Variants in TMEM108 observed in about 807,000 individuals in gnomAD.
TMEM108 encodes transmembrane protein 108.
In TMEM108, 12 loss-of-function variants were observed where a neutral mutation model predicts 35.1. The observed-to-expected ratio is 0.34, with a 90% CI of 0.22 to 0.55. TMEM108 has a LOEUF of 0.55. Among genes scored for constraint, TMEM108 ranks in the 20% least tolerant of loss-of-function variants. The pLI is 0.89. For synonymous variants in TMEM108, 287 were observed against 308.6 expected (o/e 0.93, Z 0.73); for missense variants, 680 against 753.3 (o/e 0.90, Z 1.14).
Position 133,088,868 on chromosome 3 carries a change from T to C in TMEM108, c.-47+42848T>C, listed in dbSNP as rs150701087. Among the ~76,000 whole-genome samples, 233 of 152,312 alleles carry C rather than the reference T, an allele frequency of 1.5e-3. 3 individuals carry two copies. The East Asian group carries it at 0.032, about 21-fold the overall frequency. On this transcript the variant is annotated intron_variant, in intron 2 of 5. Transcript: ENST00000321871. The stretch of plus-strand genomic sequence containing the variant: ...CATGGAGACCTGGTGTGTTAGTCCA[T>C]TCTTGCATTGCTATCAGAAAATACA...
intron 2 of TMEM108, among the ~76,000 whole-genome samples, chr3:133,181,047 C>G (rs1043927401): frequency 3.2e-5 from 3 of 93,706 alleles, no homozygotes; most frequent in African/African-American, 1.0e-4. Flanking sequence ...AACAGCACTC[C>G]CAAAGCGCTT....
chr3:133,347,961 G>T (rs1274233157), intron 3 of TMEM108, among the ~76,000 whole-genome samples: 1 of 152,010 alleles, frequency 6.6e-6, no homozygotes, highest in Non-Finnish European at 1.5e-5. Context: ...TGCCAGGATT[G>T]CCCAAATTAG....
intron 3 of TMEM108, among the ~76,000 whole-genome samples, chr3:133,291,554 A>G (rs977560612): frequency 6.6e-6 from 1 of 151,920 alleles, no homozygotes; most frequent in Non-Finnish European, 1.5e-5. Context: ...CTGGGATTAC[A>G]GGCGTGAGCC....
intron 2 of TMEM108, among the ~76,000 whole-genome samples, chr3:133,060,155 A>G (rs1943519405): frequency 6.6e-6 from 1 of 152,212 alleles, no homozygotes; most frequent in South Asian, 2.1e-4. Flanking sequence ...TAGAACTTCC[A>G]TCAGGTGGAG....
At chr3:133,088,999 C>T (rs1273418846) in intron 2 of TMEM108, among the ~76,000 whole-genome samples, 5 of 152,276 alleles carry the variant, frequency 3.3e-5, no homozygotes, top group African/African-American at 1.2e-4. Flanking sequence ...AGGAAGCTTC[C>T]AATCATGGCA....
rs1173184949 is a variant in TMEM108 at position 133,267,640 on chromosome 3, A to G, written c.40+38289A>G. ...CAGGAGTGGCTTAACTGGAGATTCTAATGAAATGTCTCTCATATGATTATG... is the reference window on the plus strand; with the variant it reads ...CAGGAGTGGCTTAACTGGAGATTCTGATGAAATGTCTCTCATATGATTATG... On this transcript the variant is annotated intron_variant, in intron 3 of 5. Coordinates refer to ENST00000321871, the MANE Select transcript of TMEM108 (RefSeq NM_023943.4). 2.0e-5 allele frequency among the ~76,000 whole-genome samples: 3 copies of G among 152,236 alleles called. No homozygotes were observed. In the East Asian group the frequency reaches 5.8e-4, roughly 29 times the overall value.
intron 2 of TMEM108, among the ~76,000 whole-genome samples, chr3:133,060,534 A>AC (rs1045863235): frequency 1.3e-5 from 2 of 151,952 alleles, no homozygotes; most frequent in Admixed American, 1.3e-4. Flanking sequence ...CTGTTTGTAT[A>AC]CCCCCCAAAT....
chr3:133,237,091 A>G (rs1276325671), intron 3 of TMEM108, among the ~76,000 whole-genome samples: 1 of 152,016 alleles, frequency 6.6e-6, no homozygotes, highest in Non-Finnish European at 1.5e-5. Flanking sequence ...GGGTCTGCGC[A>G]TTTGTCTGTG....
intron 2 of TMEM108, among the ~76,000 whole-genome samples, chr3:133,171,678 A>C (rs1208815029): frequency 6.6e-6 from 1 of 152,224 alleles, no homozygotes; most frequent in African/African-American, 2.4e-5. Flanking sequence ...CTTTTATTAG[A>C]GACTCTTCTA....
intron 2 of TMEM108, among the ~76,000 whole-genome samples, chr3:133,069,725 C>T (rs930731332): frequency 4.6e-5 from 7 of 152,086 alleles, no homozygotes; most frequent in Non-Finnish European, 7.4e-5. Flanking sequence ...TTTATATTTA[C>T]CCATCATCCT....
chr3:133,368,106 T>C lies in TMEM108; in HGVS notation c.41-11646T>C, dbSNP rs144441106. Among the ~76,000 whole-genome samples, 705 of 152,258 alleles carry C rather than the reference T, an allele frequency of 4.6e-3. 5 individuals are homozygous for C. Among genetic ancestry groups the C allele is most frequent in the African/African-American group, 0.016 (673 of 41,542 alleles). On this transcript the variant is annotated intron_variant, in intron 3 of 5. Coordinates refer to ENST00000321871, the MANE Select transcript of TMEM108 (RefSeq NM_023943.4). ...CCTAGGAGTCCCAAAGGTCCTGTTA[T>C]GCTCTCTGACGAGTGCACTGGACCA...
intron 2 of TMEM108, among the ~76,000 whole-genome samples, chr3:133,131,999 TAACTCTTTTC>T (rs1246518318): frequency 5.9e-5 from 9 of 152,174 alleles, no homozygotes; most frequent in Admixed American, 4.6e-4. Flanking sequence ...AGTAAGGTAC[TAACTCTTTTC>T]AACTCTCTGA....
rs1258854305 is a variant in TMEM108 at position 133,340,465 on chromosome 3, C to T, written c.41-39287C>T. Reference sequence around the variant, plus strand: ...TAACAGTTCTCCTAGCAAAGAAAAGCCCAGTCTCTGATGACCAAACATTTA... The same window carrying T: ...TAACAGTTCTCCTAGCAAAGAAAAGTCCAGTCTCTGATGACCAAACATTTA... On this transcript the variant is annotated intron_variant, in intron 3 of 5. Coordinates refer to ENST00000321871, the MANE Select transcript of TMEM108 (RefSeq NM_023943.4). Among the ~76,000 whole-genome samples the T allele has an allele frequency of 2.6e-5, 4 of 151,550 alleles. No homozygotes were observed. In the East Asian group the frequency reaches 7.7e-4, roughly 29 times the overall value.
chr3:133,106,394 T>C (rs939698426), intron 2 of TMEM108, among the ~76,000 whole-genome samples: 8 of 152,048 alleles, frequency 5.3e-5, no homozygotes, highest in Non-Finnish European at 8.8e-5. Context: ...CTGACTGAGA[T>C]TGAACCCAGC....
intron 3 of TMEM108, among the ~76,000 whole-genome samples, chr3:133,352,835 A>G (rs1330846704): frequency 6.6e-6 from 1 of 152,268 alleles, no homozygotes; most frequent in East Asian, 1.9e-4. Context: ...GCTTCATTAC[A>G]TAGGCATGCT....
intron 2 of TMEM108, among the ~76,000 whole-genome samples, chr3:133,063,178 G>A (rs1178239919): frequency 6.6e-6 from 1 of 152,116 alleles, no homozygotes; most frequent in Non-Finnish European, 1.5e-5. Flanking sequence ...CTTGGAGTTA[G>A]GGCAGAGAAC....
chr3:133,362,271 A>T (rs986339233), intron 3 of TMEM108, among the ~76,000 whole-genome samples: 1 of 152,202 alleles, frequency 6.6e-6, no homozygotes, highest in Non-Finnish European at 1.5e-5. Context: ...AGCTGAAAAT[A>T]AAAAGGAAAC....
At chr3:133,176,249 A>G (rs1945226310) in intron 2 of TMEM108, among the ~76,000 whole-genome samples, 1 of 152,198 alleles carries the variant, frequency 6.6e-6, no homozygotes, top group Admixed American at 6.5e-5. Context: ...CACTGTCAAC[A>G]TTAGACAGAT....
intron 3 of TMEM108, among the ~76,000 whole-genome samples, chr3:133,331,935 G>A (rs1384457464): frequency 6.6e-6 from 1 of 152,210 alleles, no homozygotes; most frequent in Admixed American, 6.5e-5. Flanking sequence ...ACCTGATATA[G>A]CCAGGTCTGA....
Sources: allele counts gnomAD v4.1 joint callset (sites outside exome capture counted in the v4.1 genomes callset), GRCh38; gene constraint gnomAD v4.1.1; transcripts MANE v1.5; gene names NCBI Gene and HGNC (gene_info 2026-07-23, HGNC 2026-07-21).